Variants in KALRN observed in about 807,000 individuals in gnomAD.
The protein encoded by KALRN is kalirin RhoGEF kinase.
In KALRN, 70 loss-of-function variants were observed where a neutral mutation model predicts 353.7. That is an observed-to-expected ratio of 0.20 (90% CI 0.16 to 0.24). KALRN has a LOEUF of 0.24. KALRN is among the 10% of genes least tolerant of loss of function. The pLI is 1.00. For synonymous variants in KALRN, 1,391 were observed against 1,434.8 expected (o/e 0.97, Z 0.69); for missense variants, 2,791 against 3,756.7 (o/e 0.74, Z 6.72).
At chr3:124,482,725 GA>G in intron 27 of KALRN, 82 bp from the exon 28 acceptor site, 1 of 887,456 alleles carries the variant, frequency 1.1e-6, no homozygotes, top group African/African-American at 1.6e-5. Flanking sequence ...CCTCTCTTCT[GA>G]CCCCTGCCTT....
chr3:124,077,495 G>T (rs959023463), intron 1 of KALRN, among the ~76,000 whole-genome samples: 2 of 152,140 alleles, frequency 1.3e-5, no homozygotes, highest in Non-Finnish European at 2.9e-5. Flanking sequence ...CCCATGGCAT[G>T]CACATATGCA....
At chr3:124,052,666 T>C (rs908683307) in intron 1 of KALRN, among the ~76,000 whole-genome samples, 11 of 152,174 alleles carry the variant, frequency 7.2e-5, no homozygotes, top group Middle Eastern at 3.4e-3. Context: ...TTCCACATTT[T>C]CTAGAGCTTT....
intron 10 of KALRN, among the ~76,000 whole-genome samples, chr3:124,352,405 C>A (rs1318944400): frequency 6.6e-6 from 1 of 152,056 alleles, no homozygotes; most frequent in African/African-American, 2.4e-5. Flanking sequence ...TGCTTTATGG[C>A]CTCATTATCT....
At position 124,306,348 on chromosome 3, in the gene KALRN, T is replaced by A. The variant is rs192634929; in HGVS notation, c.1092+7435T>A. On this transcript the variant is annotated intron_variant, in intron 6 of 59. Transcript: ENST00000682506. ...AAAAATACAATAACTGAGACAAAAA[T>A]TTTTTAGAGAGGCTCAATGTAGATT... 8.9e-4 allele frequency among the ~76,000 whole-genome samples: 136 copies of A among 152,206 alleles called. No individual in the cohort carries two copies. The Middle Eastern group carries it at 0.014, about 15-fold the overall frequency.
At chr3:124,181,736 G>C (rs1480785716) in intron 1 of KALRN, among the ~76,000 whole-genome samples, 1 of 152,176 alleles carries the variant, frequency 6.6e-6, no homozygotes, top group African/African-American at 2.4e-5. Context: ...AGGCAGAAAG[G>C]CCTAGGATAG....
At chr3:124,643,069 G>A (rs1017162892) in intron 37 of KALRN, among the ~76,000 whole-genome samples, 1 of 152,018 alleles carries the variant, frequency 6.6e-6, no homozygotes, top group South Asian at 2.1e-4. Flanking sequence ...CGCCTGCCTC[G>A]GCCTCCCAAA....
intron 51 of KALRN, among the ~76,000 whole-genome samples, chr3:124,691,286 G>C (rs919744248): frequency 6.6e-6 from 1 of 152,154 alleles, no homozygotes; most frequent in Non-Finnish European, 1.5e-5. Context: ...GAATTAGCTG[G>C]GCATGGTGGC....
chr3:124,066,399 G>A (rs1221963555), intron 1 of KALRN, among the ~76,000 whole-genome samples: 2 of 152,178 alleles, frequency 1.3e-5, no homozygotes, highest in African/African-American at 4.8e-5. Flanking sequence ...GTGAAAATGG[G>A]TTCATTAGAT....
intron 33 of KALRN, among the ~76,000 whole-genome samples, chr3:124,514,791 T>A (rs2066354172): frequency 6.6e-6 from 1 of 152,118 alleles, no homozygotes; most frequent in Admixed American, 6.5e-5. Context: ...TTGGCCCAAA[T>A]AATATAAATT....
chr3:124,370,794 A>G (rs1017045963), intron 10 of KALRN, among the ~76,000 whole-genome samples: 6 of 152,038 alleles, frequency 3.9e-5, no homozygotes, highest in African/African-American at 1.4e-4. Flanking sequence ...CTCTACTTTA[A>G]TTTTTCAGTC....
At chr3:124,694,196 C>T (rs2061951525) in intron 52 of KALRN, 136 bp from the exon 53 acceptor site, 3 of 791,710 alleles carry the variant, frequency 3.8e-6, no homozygotes, top group East Asian at 2.5e-5. Context: ...CCAGATGACT[C>T]ACCAGTGTTA....
At chr3:124,366,629 C>T (rs2084734987) in intron 10 of KALRN, among the ~76,000 whole-genome samples, 1 of 151,830 alleles carries the variant, frequency 6.6e-6, no homozygotes, top group Non-Finnish European at 1.5e-5. Context: ...CGGCAACCAT[C>T]CGATTTCTCA....
chr3:124,196,739 C>A (rs1048741753), intron 1 of KALRN, among the ~76,000 whole-genome samples: 1 of 152,110 alleles, frequency 6.6e-6, no homozygotes, highest in African/African-American at 2.4e-5. Context: ...TGTTACATTT[C>A]TGGAAATTAC....
intron 34 of KALRN, among the ~76,000 whole-genome samples, chr3:124,601,139 A>G (rs1249691221): frequency 6.6e-6 from 1 of 152,184 alleles, no homozygotes; most frequent in Admixed American, 6.5e-5. Flanking sequence ...ACTTTATGGC[A>G]ATGTCTTCAT....
intron 45 of KALRN, among the ~76,000 whole-genome samples, chr3:124,663,512 C>G (rs77006741): frequency 1.2e-4 from 19 of 152,238 alleles, no homozygotes; most frequent in Non-Finnish European, 2.8e-4. Context: ...CTGTTATTAA[C>G]GTATATCCAA....
intron 6 of KALRN, among the ~76,000 whole-genome samples, chr3:124,308,502 C>T (rs901595273): frequency 1.3e-5 from 2 of 151,734 alleles, no homozygotes; most frequent in African/African-American, 2.4e-5. Flanking sequence ...AATTAGAAAT[C>T]GGTAACAGAA....
intron 23 of KALRN, 35 bp from the exon 24 acceptor site, chr3:124,461,855 T>C: frequency 2.7e-6 from 4 of 1,492,020 alleles, no homozygotes; most frequent in Non-Finnish European, 3.7e-6. Flanking sequence ...ACATTATATC[T>C]ATATCCAAGT....
At chr3:124,518,184 C>A (rs762699565) in intron 33 of KALRN, among the ~76,000 whole-genome samples, 1 of 152,154 alleles carries the variant, frequency 6.6e-6, no homozygotes, top group African/African-American at 2.4e-5. Context: ...TCTTCTGAAC[C>A]GTCAGACCAA....
chr3:124,260,565 A>G (rs2072700923), intron 3 of KALRN, among the ~76,000 whole-genome samples: 1 of 152,102 alleles, frequency 6.6e-6, no homozygotes, highest in Non-Finnish European at 1.5e-5. Flanking sequence ...AGAGATACCC[A>G]TGGGCCCAGG....
Sources: gnomAD v4.1 joint callset for allele counts (sites outside exome capture counted in the v4.1 genomes callset) on GRCh38, gnomAD v4.1.1 for gene constraint, MANE v1.5 for transcripts, NCBI Gene and HGNC (gene_info 2026-07-23, HGNC 2026-07-21) for gene names.